Variants in IKZF1 observed in about 807,000 individuals in gnomAD.
The protein encoded by IKZF1 is IKAROS family zinc finger 1.
In IKZF1, 10 loss-of-function variants were observed where a neutral mutation model predicts 51.7. The observed-to-expected ratio is 0.19, with a 90% CI of 0.12 to 0.33. The LOEUF (loss-of-function observed/expected upper bound fraction) is 0.33. IKZF1 is among the 10% of genes least tolerant of loss of function. IKZF1 has a pLI of 1.00. For missense variants in IKZF1, 484 were observed against 707.5 expected, an observed-to-expected ratio of 0.68 and a Z score of 3.58; for synonymous variants, 280 against 282.3, an observed-to-expected ratio of 0.99 and a Z score of 0.08.
At chr7:50,371,109 G>A (rs1808533883) in intron 3 of IKZF1, among the ~76,000 whole-genome samples, 1 of 152,312 alleles carries the variant, frequency 6.6e-6, no homozygotes, top group South Asian at 2.1e-4. Flanking sequence ...GGTATGATCA[G>A]CACCATTTAA....
At chr7:50,374,513 A>G (rs1809651868) in intron 3 of IKZF1, among the ~76,000 whole-genome samples, 1 of 152,206 alleles carries the variant, frequency 6.6e-6, no homozygotes, top group South Asian at 2.1e-4. Flanking sequence ...GGCTTCTTCA[A>G]CTGTAAAATA....
At chr7:50,375,705 ACCCCCC>A (rs60591650) in intron 3 of IKZF1, among the ~76,000 whole-genome samples, 1 of 82,264 alleles carries the variant, frequency 1.2e-5, no homozygotes, top group Non-Finnish European at 2.4e-5. Context: ...TTCACCTCCC[ACCCCCC>A]CCCCCCACCC....
chr7:50,397,113 A>C (rs181303179), intron 7 of IKZF1, among the ~76,000 whole-genome samples: 6 of 152,374 alleles, frequency 3.9e-5, no homozygotes, highest in Admixed American at 3.3e-4. Flanking sequence ...TTCTTGACTC[A>C]CACCTAAAGA....
Position 50,400,538 on chromosome 7 carries a change from G to C in IKZF1, c.1471G>C (p.Glu491Gln). ...CTGCCACGGCTTCCGTGATCCTTTT[G>C]AGTGCAACATGTGCGGCTACCACAG... ...MGCHGFRDPF[E>Q]CNMCGYHSQD... is the part of the protein sequence containing the mutation. The change falls in exon 8 of 8, where the codon GAG becomes CAG. Residue 491 changes from glutamate to glutamine, a missense_variant. Transcript: ENST00000331340. This position sits in a 1 kb window ranked among gnomAD's most constrained non-coding sequence, Gnocchi z 5.4. 6.2e-7 allele frequency: 1 copy of C among 1,614,072 alleles called. No individual in the cohort carries two copies. Among genetic ancestry groups the C allele is most frequent in the Non-Finnish European group, 8.5e-7 (1 of 1,179,966 alleles).
chr7:50,340,620 T>C (rs1798858608), intron 3 of IKZF1, among the ~76,000 whole-genome samples: 1 of 152,262 alleles, frequency 6.6e-6, no homozygotes, highest in South Asian at 2.1e-4. Context: ...ATTATGATTC[T>C]TGGAACCTGG....
rs1191986651 is a variant in IKZF1, at chr7:50,368,488, T to TC, written c.161-8044dup. ...GGGACAGGAGAAGGAGATATGCTCT[T>TC]CATCTGTGGTTCTGGAGTATTAATT... On this transcript the variant is annotated intron_variant, in intron 3 of 7. Transcript: ENST00000331340. The TC allele has an allele frequency of 5.0e-6, 3 of 600,188 alleles. No homozygotes were observed. In the East Asian group the frequency reaches 8.2e-5, roughly 17 times the overall value. The allele number at this position is 600,188 out of a possible 1,614,324, so 37.2% of individuals were successfully genotyped here. A position where few individuals can be genotyped will look rare whatever the true frequency, so the allele number is the denominator to read the frequency against.
chr7:50,340,337 C>T (rs981038277), intron 3 of IKZF1, among the ~76,000 whole-genome samples: 3 of 152,224 alleles, frequency 2.0e-5, no homozygotes, highest in Admixed American at 6.5e-5. Flanking sequence ...GTACTTCCCC[C>T]ACAGGGGATG....
intron 3 of IKZF1, among the ~76,000 whole-genome samples, chr7:50,335,075 T>A (rs1797332703): frequency 6.6e-6 from 1 of 150,916 alleles, no homozygotes; most frequent in African/African-American, 2.4e-5. Flanking sequence ...GTGCATGGGA[T>A]GTGTGGTGTG....
chr7:50,343,585 ACTT>A (rs911977692), intron 3 of IKZF1, among the ~76,000 whole-genome samples: 3 of 152,236 alleles, frequency 2.0e-5, no homozygotes, highest in Admixed American at 2.0e-4. Context: ...AAGGAGAACT[ACTT>A]CTTTGTACAA....
chr7:50,362,737 C>T (rs1034958599), intron 3 of IKZF1, among the ~76,000 whole-genome samples: 2 of 152,038 alleles, frequency 1.3e-5, no homozygotes, highest in African/African-American at 2.4e-5. Context: ...TTTTTCTCAT[C>T]GTAACAGTGC....
At chr7:50,329,627 T>G (rs999968341) in intron 3 of IKZF1, among the ~76,000 whole-genome samples, 9 of 152,220 alleles carry the variant, frequency 5.9e-5, no homozygotes, top group Non-Finnish European at 1.0e-4. Flanking sequence ...CATTGGGTGG[T>G]GATGTTCCCT....
chr7:50,381,989 AAGGGAAAATAC>A (rs1478557755), intron 4 of IKZF1, among the ~76,000 whole-genome samples: 6 of 152,232 alleles, frequency 3.9e-5, no homozygotes, highest in Non-Finnish European at 7.3e-5. Context: ...AAGAAATTGA[AAGGGAAAATAC>A]AGGGAAAATG....
At chr7:50,324,288 C>T (rs766090792) in intron 2 of IKZF1, among the ~76,000 whole-genome samples, 10 of 152,104 alleles carry the variant, frequency 6.6e-5, no homozygotes, top group East Asian at 1.9e-4. Context: ...CTCAGCAGCC[C>T]GGACTTACAC....
intron 1 of IKZF1, among the ~76,000 whole-genome samples, chr7:50,305,520 A>G (rs1415999266): frequency 6.6e-6 from 1 of 152,184 alleles, no homozygotes; most frequent in Non-Finnish European, 1.5e-5. Context: ...GAACCTCGTG[A>G]GGGCTTGTTT....
chr7:50,338,266 C>G (rs1798250614), intron 3 of IKZF1, among the ~76,000 whole-genome samples: 1 of 152,276 alleles, frequency 6.6e-6, no homozygotes, highest in South Asian at 2.1e-4. Flanking sequence ...GCCTTACACT[C>G]AAGATCACAT....
chr7:50,380,913 G>A (rs1414488162), intron 4 of IKZF1, among the ~76,000 whole-genome samples: 1 of 152,182 alleles, frequency 6.6e-6, no homozygotes, highest in Non-Finnish European at 1.5e-5. Context: ...AGACAGTATA[G>A]TTAGTTAGTT....
At chr7:50,307,864 C>T (rs1292021359) in intron 1 of IKZF1, among the ~76,000 whole-genome samples, 2 of 152,158 alleles carry the variant, frequency 1.3e-5, no homozygotes, top group Admixed American at 6.5e-5. Context: ...TTGTTAGGGA[C>T]GCAGAGCACC....
chr7:50,385,219 C>T (rs1468764277), intron 5 of IKZF1, among the ~76,000 whole-genome samples: 1 of 152,108 alleles, frequency 6.6e-6, no homozygotes, highest in Non-Finnish European at 1.5e-5. Context: ...ACACACTGCT[C>T]TTGGGGAAAA....
chr7:50,340,261 T>A (rs1798765611), intron 3 of IKZF1, among the ~76,000 whole-genome samples: 1 of 152,156 alleles, frequency 6.6e-6, no homozygotes, highest in South Asian at 2.1e-4. Flanking sequence ...CAGGAGTGAG[T>A]TCAGCTGCAG....
Sources: gnomAD v4.1 joint callset for allele counts (sites outside exome capture counted in the v4.1 genomes callset) on GRCh38, gnomAD v4.1.1 for gene constraint, Gnocchi (gnomAD v3.1) non-coding constraint, MANE v1.5 for transcripts, NCBI Gene and HGNC (gene_info 2026-07-23, HGNC 2026-07-21) for gene names.